Variants in CRPPA observed in about 807,000 individuals in gnomAD.
The protein encoded by CRPPA is CDP-L-ribitol pyrophosphorylase A.
Under a neutral mutation model 52.0 loss-of-function variants are expected in CRPPA, and 43 were observed. That is an observed-to-expected ratio of 0.83 (90% confidence interval 0.65 to 1.07). The LOEUF (loss-of-function observed/expected upper bound fraction) is 1.07. Among genes scored for constraint, CRPPA ranks in the 50% least tolerant of loss-of-function variants. The pLI is 0.00. For missense variants in CRPPA, 629 were observed against 551.7 expected (o/e 1.14, Z -1.40); for synonymous variants, 250 against 203.5 (o/e 1.23, Z -1.94).
intron 9 of CRPPA, among the ~76,000 whole-genome samples, chr7:16,144,150 A>C (rs1782926457): frequency 6.6e-6 from 1 of 152,208 alleles, no homozygotes; most frequent in Admixed American, 6.5e-5. Flanking sequence ...TACCAGCTTC[A>C]GAATAGAAAC....
chr7:16,170,723 C>T (rs1224475792), intron 9 of CRPPA, among the ~76,000 whole-genome samples: 3 of 152,190 alleles, frequency 2.0e-5, no homozygotes, highest in Non-Finnish European at 4.4e-5. Context: ...GAGCCCTGCC[C>T]TGCAGGGAGG....
intron 2 of CRPPA, among the ~76,000 whole-genome samples, chr7:16,399,559 A>T (rs1014308223): frequency 1.3e-4 from 20 of 151,736 alleles, no homozygotes; most frequent in Non-Finnish European, 2.2e-4. Context: ...CATGAATGAC[A>T]TGACACGTTT....
intron 9 of CRPPA, among the ~76,000 whole-genome samples, chr7:16,166,362 C>G (rs1381700643): frequency 3.3e-5 from 5 of 152,092 alleles, no homozygotes; most frequent in African/African-American, 1.2e-4. Flanking sequence ...TCACTGCAAC[C>G]TCTGTCTTCC....
At chr7:16,407,910 C>T (rs1583586889) in intron 1 of CRPPA, among the ~76,000 whole-genome samples, 1 of 152,030 alleles carries the variant, frequency 6.6e-6, no homozygotes, top group South Asian at 2.1e-4. Flanking sequence ...AGTTCGAGAC[C>T]AGCCTGGCCA....
At chr7:16,377,386 C>T (rs1242081801) in intron 2 of CRPPA, among the ~76,000 whole-genome samples, 1 of 152,136 alleles carries the variant, frequency 6.6e-6, no homozygotes, top group Non-Finnish European at 1.5e-5. Flanking sequence ...AATGCATGTA[C>T]ACACAAACAT....
intron 3 of CRPPA, among the ~76,000 whole-genome samples, chr7:16,324,796 C>T (rs1047943645): frequency 6.6e-6 from 1 of 152,188 alleles, no homozygotes; most frequent in South Asian, 2.1e-4. Context: ...ATGGAGTCTG[C>T]AATCTTTGAC....
chr7:16,159,838 G>T (rs1660647711), intron 9 of CRPPA, among the ~76,000 whole-genome samples: 1 of 152,132 alleles, frequency 6.6e-6, no homozygotes, highest in African/African-American at 2.4e-5. Flanking sequence ...GTGTAAAAGT[G>T]TTCCTATTTC....
At chr7:16,281,807 T>C (rs1260248641) in intron 5 of CRPPA, among the ~76,000 whole-genome samples, 1 of 152,208 alleles carries the variant, frequency 6.6e-6, no homozygotes, top group Non-Finnish European at 1.5e-5. Context: ...TGTCTCAGGT[T>C]AGTAAGGTGT....
chr7:16,330,349 A>T (rs1296253399), intron 3 of CRPPA, among the ~76,000 whole-genome samples: 2 of 152,200 alleles, frequency 1.3e-5, no homozygotes, highest in Admixed American at 1.3e-4. Context: ...CATATAAGAA[A>T]ATTGGAAGTC....
At chr7:16,182,381 A>G (rs796823994) in intron 9 of CRPPA, among the ~76,000 whole-genome samples, 9 of 152,262 alleles carry the variant, frequency 5.9e-5, no homozygotes, top group African/African-American at 1.9e-4. Flanking sequence ...TGTTTAACAG[A>G]AAATGAATTT....
intron 6 of CRPPA, among the ~76,000 whole-genome samples, chr7:16,273,468 C>A (rs149558684): frequency 6.6e-6 from 1 of 152,038 alleles, no homozygotes; most frequent in Non-Finnish European, 1.5e-5. Flanking sequence ...TTCAGAAGGA[C>A]GGCTTGACGG....
chr7:16,252,140 G>A (rs1397079867), intron 8 of CRPPA, among the ~76,000 whole-genome samples: 1 of 152,090 alleles, frequency 6.6e-6, no homozygotes, highest in Non-Finnish European at 1.5e-5. Context: ...GAACATCGAT[G>A]TGAAAATCCT....
At chr7:16,222,438 G>A in intron 8 of CRPPA, among the ~76,000 whole-genome samples, 1 of 145,700 alleles carries the variant, frequency 6.9e-6, no homozygotes, top group Non-Finnish European at 1.5e-5. Context: ...AAAACTTAAA[G>A]TATAATTAAA....
intron 2 of CRPPA, among the ~76,000 whole-genome samples, chr7:16,386,732 T>A (rs1787279356): frequency 6.6e-6 from 1 of 151,968 alleles, no homozygotes; most frequent in African/African-American, 2.4e-5. Flanking sequence ...TATAAATACA[T>A]ACTTGCAGCT....
chr7:16,282,966 G>A (rs1415367149), intron 5 of CRPPA, among the ~76,000 whole-genome samples: 1 of 151,936 alleles, frequency 6.6e-6, no homozygotes, highest in Non-Finnish European at 1.5e-5. Context: ...AATTTCAACT[G>A]GTTGCACATC....
intron 3 of CRPPA, among the ~76,000 whole-genome samples, chr7:16,310,496 C>T (rs1208480053): frequency 2.0e-5 from 3 of 151,888 alleles, no homozygotes; most frequent in Admixed American, 6.6e-5. Flanking sequence ...ATAAAGCACT[C>T]GAGAAAATCG....
At chr7:16,105,868 G>T (rs1782140693) in intron 9 of CRPPA, among the ~76,000 whole-genome samples, 1 of 152,102 alleles carries the variant, frequency 6.6e-6, no homozygotes, top group Non-Finnish European at 1.5e-5. Context: ...CCTCTATGAA[G>T]CTAAAAGTCC....
intron 1 of CRPPA, 50 bp from the exon 2 acceptor site, chr7:16,406,387 AAGTG>A (rs1322748821): frequency 6.7e-7 from 1 of 1,501,242 alleles, no homozygotes; most frequent in Non-Finnish European, 9.1e-7. Flanking sequence ...TAGACAACTA[AAGTG>A]AGTAACAGAA....
At chr7:16,397,536 C>T (rs1264984818) in intron 2 of CRPPA, among the ~76,000 whole-genome samples, 2 of 143,626 alleles carry the variant, frequency 1.4e-5, no homozygotes, top group African/African-American at 5.5e-5. Context: ...ATCAACACAA[C>T]ATGTGATTGA....
Sources: gnomAD v4.1 joint callset for allele counts (sites outside exome capture counted in the v4.1 genomes callset) on GRCh38, gnomAD v4.1.1 for gene constraint, MANE v1.5 for transcripts, NCBI Gene and HGNC (gene_info 2026-07-23, HGNC 2026-07-21) for gene names.